DPP10: variants seen among roughly 807,000 people sequenced by gnomAD.
The protein encoded by DPP10 is inactive dipeptidyl peptidase 10.
Under a neutral mutation model 120.9 loss-of-function variants are expected in DPP10, and 33 were observed. The ratio of observed to expected loss-of-function variants is 0.27; its 90% CI spans 0.21 to 0.37. The LOEUF is 0.37. DPP10 is among the 10% of genes least tolerant of loss of function. The pLI is 1.00. For synonymous variants in DPP10, 337 were observed against 326.1 expected (o/e 1.03, Z -0.36); for missense variants, 816 against 942.8 (o/e 0.87, Z 1.76).
chr2:114,609,799 C>T (rs1693134509), intron 1 of DPP10, among the ~76,000 whole-genome samples: 1 of 152,108 alleles, frequency 6.6e-6, no homozygotes, highest in South Asian at 2.1e-4. Flanking sequence ...AGAGCATCAA[C>T]AAGAATTGTA....
chr2:114,533,863 A>G (rs1686260624), intron 1 of DPP10, among the ~76,000 whole-genome samples: 1 of 152,194 alleles, frequency 6.6e-6, no homozygotes, highest in African/African-American at 2.4e-5. Flanking sequence ...TGAAGCTTAT[A>G]GAATTGTGAT....
intron 1 of DPP10, among the ~76,000 whole-genome samples, chr2:114,905,544 T>C (rs942801189): frequency 6.6e-6 from 1 of 152,188 alleles, no homozygotes; most frequent in Non-Finnish European, 1.5e-5. Flanking sequence ...ACTTGTGTCA[T>C]GGGGGTTTGT....
intron 1 of DPP10, among the ~76,000 whole-genome samples, chr2:114,632,775 G>T (rs955202593): frequency 6.6e-6 from 1 of 152,114 alleles, no homozygotes; most frequent in African/African-American, 2.4e-5. Flanking sequence ...GCCTCCCAAA[G>T]TGCTGGGATT....
At chr2:115,361,837 G>A (rs2064789136) in intron 3 of DPP10, among the ~76,000 whole-genome samples, 1 of 151,958 alleles carries the variant, frequency 6.6e-6, no homozygotes, top group Admixed American at 6.6e-5. Flanking sequence ...ATCTGCTTGA[G>A]GTGTGATGGT....
At chr2:115,197,039 A>C (rs916820454) in intron 1 of DPP10, among the ~76,000 whole-genome samples, 2 of 152,196 alleles carry the variant, frequency 1.3e-5, no homozygotes, top group Non-Finnish European at 2.9e-5. Flanking sequence ...GTGGGTAAAC[A>C]TTACATGGGC....
chr2:114,807,615 A>G (rs1005863898), intron 1 of DPP10, among the ~76,000 whole-genome samples: 1 of 152,112 alleles, frequency 6.6e-6, no homozygotes, highest in African/African-American at 2.4e-5. Context: ...AAATTATATC[A>G]TTGTTTATTA....
chr2:115,489,447 T>C (rs1031748715), intron 3 of DPP10, among the ~76,000 whole-genome samples: 2 of 151,924 alleles, frequency 1.3e-5, no homozygotes, highest in Non-Finnish European at 2.9e-5. Context: ...TCTTTATATC[T>C]CCTTCCTTTT....
At chr2:114,564,609 G>A (rs1689059690) in intron 1 of DPP10, among the ~76,000 whole-genome samples, 1 of 152,128 alleles carries the variant, frequency 6.6e-6, no homozygotes, top group Admixed American at 6.5e-5. Flanking sequence ...GAAGTCCTGG[G>A]TTTTCCACTG....
chr2:115,409,523 A>G (rs2104565376), intron 3 of DPP10, among the ~76,000 whole-genome samples: 1 of 152,344 alleles, frequency 6.6e-6, no homozygotes, highest in African/African-American at 2.4e-5. Context: ...AGACATTGGC[A>G]TAGATCTTGT....
intron 1 of DPP10, among the ~76,000 whole-genome samples, chr2:114,777,847 A>C (rs1025567469): frequency 2.6e-5 from 4 of 152,110 alleles, no homozygotes; most frequent in Admixed American, 2.6e-4. Context: ...ATGAAGTTAC[A>C]TAGTCAAAGA....
chr2:115,326,142 T>G (rs960232103), intron 2 of DPP10, among the ~76,000 whole-genome samples: 1 of 152,130 alleles, frequency 6.6e-6, no homozygotes, highest in Non-Finnish European at 1.5e-5. Context: ...CATTGAGTTA[T>G]GCAGGTCTTC....
At chr2:114,972,024 A>G (rs1699433197) in intron 1 of DPP10, among the ~76,000 whole-genome samples, 1 of 152,190 alleles carries the variant, frequency 6.6e-6, no homozygotes, top group Non-Finnish European at 1.5e-5. Context: ...ACTATTATGA[A>G]TAAGTTGTTT....
chr2:115,240,973 T>TA (rs950112883), intron 1 of DPP10, among the ~76,000 whole-genome samples: 20 of 152,178 alleles, frequency 1.3e-4, no homozygotes, highest in African/African-American at 4.6e-4. Context: ...GGCAAACCTA[T>TA]AAAAAAAGTA....
intron 1 of DPP10, among the ~76,000 whole-genome samples, chr2:114,907,549 G>A (rs961046458): frequency 6.6e-6 from 1 of 151,916 alleles, no homozygotes; most frequent in Non-Finnish European, 1.5e-5. Context: ...TGTGAGCATT[G>A]GTTACTTAGA....
chr2:115,190,756 G>A (rs1254302574), intron 1 of DPP10, among the ~76,000 whole-genome samples: 1 of 152,116 alleles, frequency 6.6e-6, no homozygotes, highest in African/African-American at 2.4e-5. Context: ...TGAGAGAACC[G>A]CCCAAGTGGA....
At chr2:114,789,355 G>A (rs1267428337) in intron 1 of DPP10, among the ~76,000 whole-genome samples, 4 of 152,158 alleles carry the variant, frequency 2.6e-5, no homozygotes, top group Non-Finnish European at 5.9e-5. Flanking sequence ...AGCAATATGA[G>A]AAAACGCTGG....
intron 1 of DPP10, among the ~76,000 whole-genome samples, chr2:114,453,180 T>C (rs913784708): frequency 6.6e-6 from 1 of 151,976 alleles, no homozygotes; most frequent in Admixed American, 6.6e-5. Context: ...CTGACAGACA[T>C]ATAAGTTGCA....
intron 1 of DPP10, among the ~76,000 whole-genome samples, chr2:114,558,947 TCCAAGTATATCTCCATGC>T (rs1688537660): frequency 6.6e-6 from 1 of 152,188 alleles, no homozygotes; most frequent in Non-Finnish European, 1.5e-5. Flanking sequence ...CATCTCCATG[TCCAAGTATATCTCCATGC>T]CCAAGTATAT....
At chr2:115,463,293 T>C (rs936464428) in intron 3 of DPP10, among the ~76,000 whole-genome samples, 1 of 152,192 alleles carries the variant, frequency 6.6e-6, no homozygotes, top group East Asian at 1.9e-4. Flanking sequence ...TGACACATGG[T>C]AAACACCAAA....
Sources: allele counts gnomAD v4.1 joint callset (sites outside exome capture counted in the v4.1 genomes callset), GRCh38; gene constraint gnomAD v4.1.1; transcripts MANE v1.5; gene names NCBI Gene and HGNC (gene_info 2026-07-23, HGNC 2026-07-21).